BLTP1: variants seen among roughly 807,000 people sequenced by gnomAD.
BLTP1 encodes bridge-like lipid transfer protein family member 1, also known as fragile site-associated protein.
chr4:122,197,287 T>C, the BLTP1 span: 1 of 1,444,048 alleles, frequency 6.9e-7, no homozygotes, highest in South Asian at 1.5e-5. Flanking sequence ...AAGCTGCAAC[T>C]GTTACTTTTC....
the BLTP1 span, chr4:122,208,955 A>G: frequency 3.0e-6 from 1 of 338,138 alleles, no homozygotes; most frequent in Admixed American, 6.9e-5. Context: ...TCAAGGCTTC[A>G]CTCCAACCTC....
At chr4:122,153,163 T>G in the BLTP1 span, 1 of 299,724 alleles carries the variant, frequency 3.3e-6, no homozygotes, top group Non-Finnish European at 4.9e-6. Flanking sequence ...GTTGTCGTTT[T>G]TTTTTTTTTT....
chr4:122,334,164 G>C, the BLTP1 span: 5,648 of 210,034 alleles, frequency 0.027, 359 homozygotes, highest in African/African-American at 0.13. Flanking sequence ...TATCTGAAAT[G>C]ACCTTTTTAT....
At chr4:122,301,437 A>G in the BLTP1 span, 19 of 1,231,514 alleles carry the variant, frequency 1.5e-5, no homozygotes, top group East Asian at 2.6e-5. Context: ...AAATTTTTCT[A>G]ATCAATTAAT....
the BLTP1 span, among the ~76,000 whole-genome samples, chr4:122,327,371 C>T: frequency 2.6e-5 from 4 of 151,698 alleles, no homozygotes; most frequent in Admixed American, 1.3e-4. Flanking sequence ...CCTAGTAGTA[C>T]ACTTCAAATG....
At chr4:122,325,489 C>T in the BLTP1 span, 3 of 984,744 alleles carry the variant, frequency 3.0e-6, no homozygotes, top group East Asian at 3.4e-4. Flanking sequence ...GCCCTTATAA[C>T]ATTTTCTGAG....
the BLTP1 span, chr4:122,350,411 C>T: frequency 6.1e-6 from 6 of 983,522 alleles, no homozygotes; most frequent in South Asian, 2.4e-4. Context: ...AGGTGATAAG[C>T]AGGTCATTAT....
chr4:122,164,570 T>C, the BLTP1 span: 1 of 227,730 alleles, frequency 4.4e-6, no homozygotes, highest in Non-Finnish European at 7.3e-6. Context: ...CATTGATCAC[T>C]TAACTTGCCT....
chr4:122,265,598 C>G, the BLTP1 span, among the ~76,000 whole-genome samples: 1 of 152,168 alleles, frequency 6.6e-6, no homozygotes, highest in Non-Finnish European at 1.5e-5. Context: ...GCTGTCTTCC[C>G]AAGCACACAC....
the BLTP1 span, among the ~76,000 whole-genome samples, chr4:122,220,808 C>T: frequency 6.6e-6 from 1 of 152,090 alleles, no homozygotes; most frequent in African/African-American, 2.4e-5. Context: ...AGTATCACAG[C>T]ATAAATGTTA....
chr4:122,223,210 A>C, the BLTP1 span: 1 of 927,614 alleles, frequency 1.1e-6, no homozygotes, highest in Non-Finnish European at 1.3e-6. Flanking sequence ...TTTTTTAAAA[A>C]AAGTTTCTTA....
chr4:122,254,811 G>A, the BLTP1 span: 4,299 of 1,558,052 alleles, frequency 2.8e-3, 9 homozygotes, highest in Non-Finnish European at 3.2e-3. Context: ...AAAGGCAGCT[G>A]AACCTTTTAA....
the BLTP1 span, among the ~76,000 whole-genome samples, chr4:122,167,282 C>G: frequency 6.6e-6 from 1 of 152,164 alleles, no homozygotes; most frequent in East Asian, 1.9e-4. Flanking sequence ...TTATATATCT[C>G]AAACAGTGAG....
At chr4:122,353,263 T>G in the BLTP1 span, 1 of 1,494,092 alleles carries the variant, frequency 6.7e-7, no homozygotes, top group Non-Finnish European at 8.9e-7. This position sits in a 1 kb window ranked among gnomAD's most constrained non-coding sequence, Gnocchi z 4.3. Context: ...GTATCTGACA[T>G]GTTAAGGAGT....
the BLTP1 span, among the ~76,000 whole-genome samples, chr4:122,287,173 G>A: frequency 1.3e-5 from 2 of 152,134 alleles, no homozygotes; most frequent in South Asian, 4.1e-4. Context: ...TTTTGTAAGT[G>A]AGCAAACTAA....
chr4:122,257,369 C>G, the BLTP1 span: 9 of 1,614,030 alleles, frequency 5.6e-6, no homozygotes, highest in Non-Finnish European at 7.6e-6. Flanking sequence ...CTTACATAGA[C>G]CAGCTCAGCC....
the BLTP1 span, among the ~76,000 whole-genome samples, chr4:122,238,793 T>G: frequency 6.6e-6 from 1 of 152,186 alleles, no homozygotes; most frequent in Non-Finnish European, 1.5e-5. Flanking sequence ...TGTCCTGTCC[T>G]CCATTTCTTC....
the BLTP1 span, chr4:122,179,815 T>C: frequency 3.1e-6 from 3 of 983,432 alleles, no homozygotes; most frequent in Non-Finnish European, 3.6e-6. Context: ...ACACAAGTGC[T>C]AGTACACTCA....
chr4:122,193,126 T>C, the BLTP1 span, among the ~76,000 whole-genome samples: 4 of 152,152 alleles, frequency 2.6e-5, no homozygotes, highest in South Asian at 6.2e-4. Flanking sequence ...TAGGACAGCA[T>C]ACACTAATGA....
Sources: gnomAD v4.1 joint callset for allele counts (sites outside exome capture counted in the v4.1 genomes callset) on GRCh38, gnomAD v4.1.1 for gene constraint, Gnocchi (gnomAD v3.1) non-coding constraint, MANE v1.5 for transcripts, NCBI Gene and HGNC (gene_info 2026-07-23, HGNC 2026-07-21) for gene names.